SPOCK3: variants seen among roughly 807,000 people sequenced by gnomAD.
SPOCK3 encodes SPARC (osteonectin), cwcv and kazal like domains proteoglycan 3, also known as testican-3.
A neutral mutation model predicts 56.6 loss-of-function variants in SPOCK3; 30 were observed. That is an observed-to-expected ratio of 0.53 (90% CI 0.40 to 0.72). The LOEUF (loss-of-function observed/expected upper bound fraction) is 0.72, where lower values mean the gene tolerates loss of function less well. SPOCK3 is among the 30% of genes least tolerant of loss of function. The pLI, the probability that SPOCK3 is intolerant of heterozygous loss-of-function variation, is 0.00. For synonymous variants in SPOCK3, 196 were observed against 183.3 expected (o/e 1.07, Z -0.56); for missense variants, 527 against 530.0 (o/e 0.99, Z 0.06).
intron 2 of SPOCK3, among the ~76,000 whole-genome samples, chr4:167,172,154 C>T (rs2150469026): frequency 6.6e-6 from 1 of 152,292 alleles, no homozygotes; most frequent in African/African-American, 2.4e-5. Flanking sequence ...CACCAAGAGA[C>T]TGACAGAGAC....
chr4:167,074,998 A>G (rs1253674527), intron 2 of SPOCK3, among the ~76,000 whole-genome samples: 1 of 151,896 alleles, frequency 6.6e-6, no homozygotes, highest in African/African-American at 2.4e-5. Context: ...TTGGTTTAGG[A>G]ACATTCCATT....
intron 2 of SPOCK3, among the ~76,000 whole-genome samples, chr4:167,129,250 C>G (rs1440627742): frequency 6.6e-6 from 1 of 152,208 alleles, no homozygotes. Context: ...GCATTTTAAG[C>G]ATCCCATTAC....
chr4:167,216,676 T>C (rs1312019467), intron 2 of SPOCK3, among the ~76,000 whole-genome samples: 1 of 152,118 alleles, frequency 6.6e-6, no homozygotes. Flanking sequence ...TTGTGTTCTG[T>C]AGAAATGATG....
chr4:167,085,196 G>T (rs921045502), intron 2 of SPOCK3, among the ~76,000 whole-genome samples: 41 of 149,290 alleles, frequency 2.7e-4, no homozygotes, highest in Admixed American at 7.4e-4. Context: ...AAACACAAAT[G>T]TCCTTTGAGG....
chr4:167,043,571 T>A (rs1475750393), intron 3 of SPOCK3, among the ~76,000 whole-genome samples: 1 of 151,966 alleles, frequency 6.6e-6, no homozygotes, highest in East Asian at 1.9e-4. Flanking sequence ...TAGCTACAGG[T>A]TTTTTATAGA....
chr4:166,818,589 T>G lies in SPOCK3; in HGVS notation c.590-26300A>C, dbSNP rs77857540. 7.9e-3 allele frequency among the ~76,000 whole-genome samples: 1,195 copies of G among 152,122 alleles called. 17 individuals are homozygous for G. The highest frequency in any genetic ancestry group is 0.027 in the African/African-American group (1,139 of 41,558). ...CAATATAAACTTAAAACATCATATC[T>G]AGTAATTTTCTCTTTTTCTCTCTCT... On this transcript the variant is annotated intron_variant, in intron 6 of 10. Transcript: ENST00000357545.
intron 6 of SPOCK3, among the ~76,000 whole-genome samples, chr4:166,884,310 G>A (rs761136369): frequency 8.6e-5 from 13 of 150,650 alleles, no homozygotes; most frequent in African/African-American, 2.4e-4. Context: ...CCAAGATAGC[G>A]CCACTGCAGT....
intron 7 of SPOCK3, among the ~76,000 whole-genome samples, chr4:166,764,729 G>A (rs983327275): frequency 1.3e-5 from 2 of 152,076 alleles, no homozygotes; most frequent in Non-Finnish European, 2.9e-5. Flanking sequence ...TGGGTCAAAT[G>A]GTATTTCTAG....
At chr4:166,834,283 T>C (rs1236536342) in intron 6 of SPOCK3, among the ~76,000 whole-genome samples, 1 of 152,210 alleles carries the variant, frequency 6.6e-6, no homozygotes, top group East Asian at 1.9e-4. Flanking sequence ...CTTTGCTAAC[T>C]CACCTAAATC....
intron 7 of SPOCK3, among the ~76,000 whole-genome samples, chr4:166,771,056 A>G (rs1056966401): frequency 6.7e-6 from 1 of 148,984 alleles, no homozygotes; most frequent in African/African-American, 2.4e-5. Flanking sequence ...TTATATAAAT[A>G]TAATATTATA....
intron 2 of SPOCK3, 47 bp downstream of exon 2, chr4:167,233,938 G>C (rs763988281): frequency 5.3e-5 from 82 of 1,558,536 alleles, no homozygotes; most frequent in Non-Finnish European, 2.0e-5. Flanking sequence ...CCCCCGCCTC[G>C]GAGCAGCGCG....
At chr4:167,000,497 C>G (rs1469952560) in intron 3 of SPOCK3, 34 bp from the exon 4 acceptor site, 1 of 1,113,224 alleles carries the variant, frequency 9.0e-7, no homozygotes, top group African/African-American at 1.6e-5. Context: ...TTAAAATAAG[C>G]TTCTGTAAAA....
rs1741443045 is a variant in SPOCK3 at position 166,792,277 on chromosome 4, A to G, written c.602T>C (p.Leu201Pro). 6.2e-7 allele frequency: 1 copy of G among 1,613,676 alleles called. No individual in the cohort carries two copies. Among genetic ancestry groups the G allele is most frequent in the African/African-American group, 1.3e-5 (1 of 74,908 alleles). Residue 201 changes from leucine to proline, a missense_variant, in exon 7 of 11, where the codon CTG (leucine) becomes CCG (proline). Transcript: ENST00000357545. ...TCTGTTTGCCACTTCCCTGAACTCC[A>G]GGTCACTGCATGCTAAAAACAGAGA... ...SRNVKRACSD[L>P]EFREVANRLR...
chr4:166,948,011 C>T (rs1741992165), intron 4 of SPOCK3, among the ~76,000 whole-genome samples: 1 of 152,116 alleles, frequency 6.6e-6, no homozygotes, highest in Non-Finnish European at 1.5e-5. Flanking sequence ...AACCTCTCCC[C>T]ATTCCTTCCT....
chr4:167,200,399 T>A (rs1733405291), intron 2 of SPOCK3, among the ~76,000 whole-genome samples: 1 of 152,006 alleles, frequency 6.6e-6, no homozygotes, highest in Admixed American at 6.6e-5. Context: ...CACATTAGAT[T>A]TCATTAACTA....
At position 167,172,074 on chromosome 4, in the gene SPOCK3, G is replaced by T. The variant is rs555469944; in HGVS notation, c.189+61911C>A. Among the ~76,000 whole-genome samples, 9 of 152,108 alleles carry T rather than the reference G, an allele frequency of 5.9e-5. No individual in the cohort carries two copies. In the South Asian group the frequency reaches 1.9e-3, roughly 32 times the overall value. On this transcript the variant is annotated intron_variant, in intron 2 of 10. Coordinates refer to ENST00000357545, the MANE Select transcript of SPOCK3 (RefSeq NM_001040159.2). ...GGACAGCAAAAGTCAGCTGCTTCTG[G>T]CGAGTCTCTAGGCAGAGCAGTCTGT...
chr4:166,816,593 T>C (rs1744410856), intron 6 of SPOCK3, among the ~76,000 whole-genome samples: 1 of 152,072 alleles, frequency 6.6e-6, no homozygotes, highest in African/African-American at 2.4e-5. Context: ...ATAATATCAC[T>C]GTGTTGATTG....
intron 3 of SPOCK3, among the ~76,000 whole-genome samples, chr4:167,057,071 G>A (rs1333228680): frequency 1.3e-5 from 2 of 152,224 alleles, no homozygotes; most frequent in Admixed American, 1.3e-4. Context: ...AAGCCCATCA[G>A]ACTAACAGCG....
intron 9 of SPOCK3, among the ~76,000 whole-genome samples, chr4:166,738,438 T>C (rs1424810257): frequency 5.3e-5 from 8 of 151,530 alleles, no homozygotes; most frequent in Non-Finnish European, 1.2e-4. Flanking sequence ...ATTTATTTAT[T>C]TATTTAATTT....
Sources: gnomAD v4.1 joint callset for allele counts (sites outside exome capture counted in the v4.1 genomes callset) on GRCh38, gnomAD v4.1.1 for gene constraint, MANE v1.5 for transcripts, NCBI Gene and HGNC (gene_info 2026-07-23, HGNC 2026-07-21) for gene names.